DOCK4: variants seen among roughly 807,000 people sequenced by gnomAD.
DOCK4 encodes the protein dedicator of cytokinesis 4.
In DOCK4, 97 loss-of-function variants were observed where a neutral mutation model predicts 268.1. The observed-to-expected ratio is 0.36, with a 90% CI of 0.31 to 0.43. The LOEUF (loss-of-function observed/expected upper bound fraction) is 0.43. Ranked by LOEUF, DOCK4 falls within the 20% of genes least tolerant of loss-of-function variation. DOCK4 has a pLI of 1.00. For synonymous variants in DOCK4, 954 were observed against 887.2 expected (o/e 1.08, Z -1.34); for missense variants, 2,145 against 2,455.7 (o/e 0.87, Z 2.67).
intron 1 of DOCK4, among the ~76,000 whole-genome samples, chr7:112,059,134 C>CTTTTTTTTTTTTTTTTT (rs572050793): frequency 8.1e-5 from 8 of 98,978 alleles, no homozygotes; most frequent in African/African-American, 3.5e-4. Context: ...GCAGCATTTC[C>CTTTTTTTTTTTTTTTTT]TTTTTTTTTT....
At chr7:112,104,039 G>C (rs1810922737) in intron 1 of DOCK4, among the ~76,000 whole-genome samples, 1 of 152,180 alleles carries the variant, frequency 6.6e-6, no homozygotes, top group Non-Finnish European at 1.5e-5. Flanking sequence ...CTAGCAGCCA[G>C]AGCTTTATTC....
intron 15 of DOCK4, among the ~76,000 whole-genome samples, chr7:111,898,550 T>G (rs143633920): frequency 7.0e-4 from 106 of 152,362 alleles, no homozygotes; most frequent in African/African-American, 2.4e-3. Context: ...GCTATTTTCT[T>G]GTGCTCACTG....
chr7:112,037,155 C>T (rs1803876214), intron 1 of DOCK4, among the ~76,000 whole-genome samples: 1 of 152,112 alleles, frequency 6.6e-6, no homozygotes, highest in African/African-American at 2.4e-5. Flanking sequence ...ATGAGATATT[C>T]AACACTTTAT....
chr7:112,122,016 T>A (rs1245081918), intron 1 of DOCK4, among the ~76,000 whole-genome samples: 1 of 152,202 alleles, frequency 6.6e-6, no homozygotes, highest in African/African-American at 2.4e-5. Flanking sequence ...GCAAACAATA[T>A]TAGATAATAT....
intron 36 of DOCK4, among the ~76,000 whole-genome samples, chr7:111,775,129 A>T (rs947608382): frequency 6.6e-6 from 1 of 152,216 alleles, no homozygotes; most frequent in African/African-American, 2.4e-5. Flanking sequence ...AACTTCATGA[A>T]TGATTATTTG....
Position 111,727,098 on chromosome 7 carries a change from T to A in DOCK4, c.*1176A>T, listed in dbSNP as rs1342793827. ...CAAAGATATAAAATACATTACTACA[T>A]ACAAGGTGCTTTTTTCACACTTCTA... On this transcript the variant is annotated 3_prime_UTR_variant, in exon 53 of 53. Transcript: ENST00000428084. 2.0e-5 allele frequency: 3 copies of A among 152,674 alleles called. No individual in the cohort carries two copies. The highest frequency in any genetic ancestry group is 4.4e-5 in the Non-Finnish European group (3 of 68,032). The allele number at this position is 152,674 out of a possible 1,614,324, so 9.5% of individuals were successfully genotyped here.
chr7:111,969,400 A>G (rs1433422623), intron 8 of DOCK4, among the ~76,000 whole-genome samples: 1 of 146,644 alleles, frequency 6.8e-6, no homozygotes, highest in Admixed American at 6.7e-5. Flanking sequence ...TGCATCTACA[A>G]AATTTACTAA....
chr7:112,049,874 C>CTGGAAAGGTTTGGTATT (rs1261306499), intron 1 of DOCK4, among the ~76,000 whole-genome samples: 1 of 152,142 alleles, frequency 6.6e-6, no homozygotes, highest in Non-Finnish European at 1.5e-5. Context: ...GTCAGATGTG[C>CTGGAAAGGTTTGGTATT]TGGAAAGGTT....
intron 1 of DOCK4, among the ~76,000 whole-genome samples, chr7:112,106,245 C>T (rs1811140844): frequency 6.6e-6 from 1 of 152,180 alleles, no homozygotes; most frequent in Admixed American, 6.5e-5. Flanking sequence ...ATTTGTCAGA[C>T]AGGTTGAGCT....
At chr7:112,118,049 T>C (rs925916992) in intron 1 of DOCK4, among the ~76,000 whole-genome samples, 4 of 152,148 alleles carry the variant, frequency 2.6e-5, no homozygotes, top group Admixed American at 6.5e-5. Context: ...TACAGAGCTA[T>C]TGTGTAAGGA....
chr7:112,118,068 T>C (rs1017971845), intron 1 of DOCK4, among the ~76,000 whole-genome samples: 8 of 152,106 alleles, frequency 5.3e-5, no homozygotes, highest in Non-Finnish European at 1.2e-4. Context: ...GAAATTCATT[T>C]TGCTTATTGA....
chr7:111,732,438 A>T (rs780145281), intron 51 of DOCK4, 151 bp from the exon 52 acceptor site: 3 of 701,582 alleles, frequency 4.3e-6, no homozygotes, highest in Non-Finnish European at 7.3e-6. Flanking sequence ...GGAGAAGCTA[A>T]ATGATGCCTG....
At chr7:111,924,148 T>G (rs530364859) in intron 12 of DOCK4, among the ~76,000 whole-genome samples, 1 of 152,354 alleles carries the variant, frequency 6.6e-6, no homozygotes, top group African/African-American at 2.4e-5. Flanking sequence ...CCTCTTTTCC[T>G]GATAGTTTAT....
intron 1 of DOCK4, among the ~76,000 whole-genome samples, chr7:112,156,607 G>A (rs1394763881): frequency 1.3e-5 from 2 of 152,128 alleles, no homozygotes; most frequent in Non-Finnish European, 2.9e-5. Flanking sequence ...AGCAGATTTG[G>A]AGACTCTCTA....
chr7:112,112,805 T>C (rs1811786337), intron 1 of DOCK4, among the ~76,000 whole-genome samples: 1 of 152,136 alleles, frequency 6.6e-6, no homozygotes, highest in African/African-American at 2.4e-5. Flanking sequence ...TCTCATTGGC[T>C]CTTGATTCCT....
rs190880438 is a variant in DOCK4, at chr7:112,156,883, T to G, written c.37+49219A>C. ...GACAAATTAATTCAATAAAATATCA[T>G]GTAGCTATTAAAATATGTATTGAGA... On this transcript the variant is annotated intron_variant, in intron 1 of 52. Coordinates refer to ENST00000428084, the MANE Select transcript of DOCK4 (RefSeq NM_001363540.2). Among the ~76,000 whole-genome samples, 839 of 152,308 alleles carry G rather than the reference T, an allele frequency of 5.5e-3. 8 individuals carry two copies. The highest frequency in any genetic ancestry group is 0.019 in the African/African-American group (803 of 41,558).
Position 111,739,492 on chromosome 7 carries a change from G to A in DOCK4, c.5041-15C>T, listed in dbSNP as rs781287293. The A allele has an allele frequency of 5.1e-6, 8 of 1,556,146 alleles. No homozygotes were observed. The Admixed American group carries it at 1.2e-4, about 23-fold the overall frequency. On this transcript the variant is annotated splice_polypyrimidine_tract_variant and intron_variant, in intron 47 of 52. Coordinates refer to ENST00000428084, the MANE Select transcript of DOCK4 (RefSeq NM_001363540.2). ...GATGGACTTGGCTGGAAACACACAG[G>A]GAGCTATTATCATACCCTGATTAAA...
intron 42 of DOCK4, among the ~76,000 whole-genome samples, chr7:111,752,894 C>CTAAT (rs997021509): frequency 2.0e-5 from 3 of 149,268 alleles, no homozygotes; most frequent in Non-Finnish European, 4.4e-5. Context: ...CTGAAATGAG[C>CTAAT]TAATTTTTTA....
intron 35 of DOCK4, among the ~76,000 whole-genome samples, chr7:111,778,814 T>C (rs1004113099): frequency 2.0e-5 from 3 of 152,154 alleles, no homozygotes; most frequent in African/African-American, 7.2e-5. Flanking sequence ...CCCAGCACTT[T>C]GGGAGGACGA....
Sources: allele counts gnomAD v4.1 joint callset (sites outside exome capture counted in the v4.1 genomes callset), GRCh38; gene constraint gnomAD v4.1.1; transcripts MANE v1.5; gene names NCBI Gene and HGNC (gene_info 2026-07-23, HGNC 2026-07-21).